Variants in TAP1 observed in about 807,000 individuals in gnomAD.
TAP1 encodes transporter 1, ATP binding cassette subfamily B member, also known as antigen peptide transporter 1.
In TAP1, 56 loss-of-function variants were observed where a neutral mutation model predicts 79.3. That is an observed-to-expected ratio of 0.71 (90% CI 0.57 to 0.88). The LOEUF is 0.88. TAP1 is among the 40% of genes least tolerant of loss of function. The pLI is 0.00. For synonymous variants in TAP1, 355 were observed against 401.4 expected (o/e 0.88, Z 1.38); for missense variants, 737 against 936.3 (o/e 0.79, Z 2.78).
chr6:32,850,609 A>C lies in TAP1; in HGVS notation c.1051-92T>G. 1 of 1,152,854 alleles carries C rather than the reference A, an allele frequency of 8.7e-7. No homozygotes were observed. Among genetic ancestry groups the C allele is most frequent in the South Asian group, 1.3e-5 (1 of 79,192 alleles). 71.4% of individuals were successfully genotyped at this position (1,152,854 alleles called of 1,614,324 possible). ...TACCTATTTGGAAATTAAAGGTGAG[A>C]AGAGACAGAGGAAAAGGAGAAAAGA... On this transcript the variant is annotated intron_variant, in intron 4 of 10. Coordinates refer to ENST00000354258, the MANE Select transcript of TAP1 (RefSeq NM_000593.6). The surrounding 1 kb of genome is among the most constrained non-coding windows in gnomAD (Gnocchi z 5.5).
chr6:32,846,957 A>G (rs1284634085), intron 10 of TAP1, 111 bp downstream of exon 10: 1 of 1,542,350 alleles, frequency 6.5e-7, no homozygotes, highest in East Asian at 2.2e-5. Flanking sequence ...TTGGGAACTG[A>G]GAACTGCAAG....
Position 32,847,454 on chromosome 6 carries a change from C to T in TAP1, c.1903+59G>A. On this transcript the variant is annotated intron_variant, in intron 9 of 10. Coordinates refer to ENST00000354258, the MANE Select transcript of TAP1 (RefSeq NM_000593.6). The surrounding 1 kb of genome is among the most constrained non-coding windows in gnomAD (Gnocchi z 4.7). The stretch of plus-strand genomic sequence containing the variant: ...GAGGAACTGAAGGATAAAGGCAAGA[C>T]TACTGGGGTTTCAGCAAAGGTAAAG... 11 of 1,609,942 alleles carry T rather than the reference C, an allele frequency of 6.8e-6. No homozygotes were observed. The highest frequency in any genetic ancestry group is 8.5e-6 in the Non-Finnish European group (10 of 1,177,668).
In TAP1 at chr6:32,845,229, A is replaced by G. The variant is rs897347106; in HGVS notation, c.*350T>C. Reference sequence around the variant, plus strand: ...CACAGTACAAAACACCAATTTTATTATAAATATCAAGAACCTACAGGGTGT... The same window carrying G: ...CACAGTACAAAACACCAATTTTATTGTAAATATCAAGAACCTACAGGGTGT... On this transcript the variant is annotated 3_prime_UTR_variant, in exon 11 of 11. Transcript: ENST00000354258. The surrounding 1 kb of genome is among the most constrained non-coding windows in gnomAD (Gnocchi z 4.5). 10 of 395,602 alleles carry G rather than the reference A, an allele frequency of 2.5e-5. No individual in the cohort carries two copies. The highest frequency in any genetic ancestry group is 3.8e-5 in the Non-Finnish European group (8 of 212,404). 24.5% of individuals were successfully genotyped at this position (395,602 alleles called of 1,614,324 possible). A position where few individuals can be genotyped will look rare whatever the true frequency, so the allele number is the denominator to read the frequency against.
intron 6 of TAP1, 34 bp from the exon 7 acceptor site, chr6:32,848,874 G>T: frequency 6.2e-7 from 1 of 1,613,228 alleles, no homozygotes; most frequent in Non-Finnish European, 8.5e-7. Context: ...AAGTGAGGTA[G>T]TCTGCTTGCC....
In TAP1 at chr6:32,852,798, C is replaced by T; in HGVS notation, c.598+241G>A. 2.1e-6 allele frequency: 3 copies of T among 1,440,242 alleles called. No individual in the cohort carries two copies. The highest frequency in any genetic ancestry group is 2.7e-6 in the Non-Finnish European group (3 of 1,105,254). 89.2% of individuals were successfully genotyped at this position (1,440,242 alleles called of 1,614,324 possible). A position where few individuals can be genotyped will look rare whatever the true frequency, so the allele number is the denominator to read the frequency against. On this transcript the variant is annotated intron_variant, in intron 1 of 10. Transcript: ENST00000354258. The surrounding 1 kb of genome is among the most constrained non-coding windows in gnomAD (Gnocchi z 4.8). ...CTTCGGCCCCAGAGCAAAGGATTTC[C>T]CCGCTTCCGGCGTGGCCCAAAGAAT...
rs1770503895 is a variant in TAP1 at position 32,847,481 on chromosome 6, T to C, written c.1903+32A>G. Reference sequence around the variant, plus strand: ...ACTGGGGTTTCAGCAAAGGTAAAGATGGCTGGGTGGTGAGATGAGTGGAGA... The same window carrying C: ...ACTGGGGTTTCAGCAAAGGTAAAGACGGCTGGGTGGTGAGATGAGTGGAGA... On this transcript the variant is annotated intron_variant, in intron 9 of 10. Coordinates refer to ENST00000354258, the MANE Select transcript of TAP1 (RefSeq NM_000593.6). This position sits in a 1 kb window ranked among gnomAD's most constrained non-coding sequence, Gnocchi z 4.7. 1 of 1,612,684 alleles carries C rather than the reference T, an allele frequency of 6.2e-7. No homozygotes were observed.
Position 32,850,129 on chromosome 6 carries a change from C to T in TAP1, c.1248+191G>A. Reference sequence around the variant, plus strand: ...TATGTACCATACTGAAAGGAAGCCACCTAGCATCTTTAAAGAGAGGGAGGG... The same window carrying T: ...TATGTACCATACTGAAAGGAAGCCATCTAGCATCTTTAAAGAGAGGGAGGG... On this transcript the variant is annotated intron_variant, in intron 5 of 10. Coordinates refer to ENST00000354258, the MANE Select transcript of TAP1 (RefSeq NM_000593.6). The surrounding 1 kb of genome is among the most constrained non-coding windows in gnomAD (Gnocchi z 5.5). 1 of 679,208 alleles carries T rather than the reference C, an allele frequency of 1.5e-6. No individual in the cohort carries two copies. Among genetic ancestry groups the T allele is most frequent in the Non-Finnish European group, 2.6e-6 (1 of 378,064 alleles). The allele number at this position is 679,208 out of a possible 1,614,324, so 42.1% of individuals were successfully genotyped here.
At position 32,853,622 on chromosome 6, in the gene TAP1, C is replaced by T. The variant is rs1474359241; in HGVS notation, c.15G>A (p.Arg5=). 6.2e-7 allele frequency: 1 copy of T among 1,611,878 alleles called. No individual in the cohort carries two copies. The highest frequency in any genetic ancestry group is 1.7e-5 in the Admixed American group (1 of 59,996). Residue 5 remains arginine (R), a synonymous_variant, in exon 1 of 11, where the codon AGG becomes AGA. Coordinates refer to ENST00000354258, the MANE Select transcript of TAP1 (RefSeq NM_000593.6). The surrounding 1 kb of genome is among the most constrained non-coding windows in gnomAD (Gnocchi z 8.3). ...AGCGGCACCCGCGGGGAGCGGGACACCTAGAGCTAGCCATTGGCACTCGGA... is the reference window on the plus strand; with the variant it reads ...AGCGGCACCCGCGGGGAGCGGGACATCTAGAGCTAGCCATTGGCACTCGGA... MASS[R]CPAPRGCRCL... is the part of the protein sequence containing the mutation.
rs772225879 is a variant in TAP1, at chr6:32,849,032, G to C, written c.1335C>G (p.Val445=). Residue 445 remains valine, a synonymous_variant, in exon 6 of 11, where the codon GTC becomes GTG. Transcript: ENST00000354258. Reference sequence around the variant, plus strand: ...ACTGCATCTGGTAGAGAACAAATGTGACAAGGTTCCCACTGCTTACAGCCC... The same window carrying C: ...ACTGCATCTGGTAGAGAACAAATGTCACAAGGTTCCCACTGCTTACAGCCC... ...TSGAVSSGNL[V]TFVLYQMQFT... is the part of the protein sequence containing the mutation. 1 of 1,608,586 alleles carries C rather than the reference G, an allele frequency of 6.2e-7. No individual in the cohort carries two copies.
intron 10 of TAP1, 120 bp downstream of exon 10, chr6:32,846,948 T>G: frequency 6.7e-7 from 1 of 1,490,390 alleles, no homozygotes; most frequent in Non-Finnish European, 9.2e-7. Flanking sequence ...GAACTGGATT[T>G]GGGAACTGAG....
chr6:32,851,245 C>T lies in TAP1; in HGVS notation c.845-96G>A. The T allele has an allele frequency of 8.2e-7, 1 of 1,219,698 alleles. No homozygotes were observed. Among genetic ancestry groups the T allele is most frequent in the Non-Finnish European group, 1.2e-6 (1 of 845,158 alleles). The allele number at this position is 1,219,698 out of a possible 1,614,324, so 75.6% of individuals were successfully genotyped here. A position where few individuals can be genotyped will look rare whatever the true frequency, so the allele number is the denominator to read the frequency against. On this transcript the variant is annotated intron_variant, in intron 3 of 10. Coordinates refer to ENST00000354258, the MANE Select transcript of TAP1 (RefSeq NM_000593.6). The surrounding 1 kb of genome is among the most constrained non-coding windows in gnomAD (Gnocchi z 4.8). Reference sequence around the variant, plus strand: ...GCCAGGATGCCAGGGTCAGGGGTGTCAACATGGGGTTCTAAGGAGGCTGCA... The same window carrying T: ...GCCAGGATGCCAGGGTCAGGGGTGTTAACATGGGGTTCTAAGGAGGCTGCA...
Position 32,845,807 on chromosome 6 carries a change from T to A in TAP1, c.2041-22A>T. ...CCACCTGAGGAAAGACATCGGACCG[T>A]CAGAGCCGGGGACTACCCTCAGCCC... On this transcript the variant is annotated intron_variant, in intron 10 of 10. Transcript: ENST00000354258. This position sits in a 1 kb window ranked among gnomAD's most constrained non-coding sequence, Gnocchi z 4.5. The A allele has an allele frequency of 6.2e-7, 1 of 1,603,996 alleles. No individual in the cohort carries two copies. Among genetic ancestry groups the A allele is most frequent in the Non-Finnish European group, 8.5e-7 (1 of 1,177,258 alleles).
rs1200739670 is a variant in TAP1 at position 32,853,330 on chromosome 6, G to C, written c.307C>G (p.Leu103Val). The change falls in exon 1 of 11, where the codon CTG becomes GTG. Residue 103 changes from leucine (L) to valine (V), a missense_variant. This residue lies in a region of TAP1 where 406 missense variants were observed against 477.2 expected (regional missense o/e 0.85). Transcript: ENST00000354258. This position sits in a 1 kb window ranked among gnomAD's most constrained non-coding sequence, Gnocchi z 8.3. ...GCAAGTCCCGGCAGGGCCAAGCCCA[G>C]TGCCGCAGCTAATGGCTTCAAAGCA... ...LAALKPLAAA[L>V]GLALPGLALF... 3.2e-6 allele frequency: 5 copies of C among 1,581,516 alleles called. No individual in the cohort carries two copies.
intron 10 of TAP1, chr6:32,846,603 T>A (rs1249705953): frequency 3.5e-6 from 1 of 286,268 alleles, no homozygotes; most frequent in Non-Finnish European, 6.8e-6. Context: ...GCAGATTACC[T>A]GAGCTCAGGA....
At chr6:32,849,842 A>C (rs939909511) in intron 5 of TAP1, 6 of 182,978 alleles carry the variant, frequency 3.3e-5, no homozygotes, top group Admixed American at 2.1e-4. Flanking sequence ...ATTTGTTGTC[A>C]TGATCACAAG....
At chr6:32,846,756 G>T (rs961329010) in intron 10 of TAP1, among the ~76,000 whole-genome samples, 2 of 152,094 alleles carry the variant, frequency 1.3e-5, no homozygotes, top group Non-Finnish European at 2.9e-5. Flanking sequence ...GGTTGAAGCT[G>T]CAGTGAGCCA....
rs1770693382 is a variant in TAP1, at chr6:32,850,109, A to G, written c.1248+211T>C. On this transcript the variant is annotated intron_variant, in intron 5 of 10. Coordinates refer to ENST00000354258, the MANE Select transcript of TAP1 (RefSeq NM_000593.6). The surrounding 1 kb of genome is among the most constrained non-coding windows in gnomAD (Gnocchi z 5.5). ...CCACATGGTTGGGTGGATTTTATGT[A>G]CCATACTGAAAGGAAGCCACCTAGC... The G allele has an allele frequency of 1.5e-6, 1 of 646,250 alleles. No homozygotes were observed. The highest frequency in any genetic ancestry group is 1.8e-5 in the South Asian group (1 of 56,950). The allele number at this position is 646,250 out of a possible 1,614,324, so 40.0% of individuals were successfully genotyped here. A position where few individuals can be genotyped will look rare whatever the true frequency, so the allele number is the denominator to read the frequency against.
Position 32,851,931 on chromosome 6 carries a change from G to GAC in TAP1, c.844+177_844+178insGT, listed in dbSNP as rs1403959641. 6.6e-6 allele frequency among the ~76,000 whole-genome samples: 1 copy of GAC among 151,236 alleles called. No homozygotes were observed. The highest frequency in any genetic ancestry group is 1.5e-5 in the Non-Finnish European group (1 of 67,742). ...ATTGTGTGTGTGTGTGTGTGAGAGA[G>GAC]AGAGAGAGAGAGACAGAGACAGAGA... On this transcript the variant is annotated intron_variant, in intron 3 of 10. Coordinates refer to ENST00000354258, the MANE Select transcript of TAP1 (RefSeq NM_000593.6). This position sits in a 1 kb window ranked among gnomAD's most constrained non-coding sequence, Gnocchi z 4.8.
Position 32,848,649 on chromosome 6 carries a change from T to C in TAP1, c.1566+3A>G, listed in dbSNP as rs1401042023. 2 of 1,613,778 alleles carry C rather than the reference T, an allele frequency of 1.2e-6. No individual in the cohort carries two copies. The highest frequency in any genetic ancestry group is 1.7e-5 in the Admixed American group (1 of 60,002). On this transcript the variant is annotated splice_donor_region_variant and intron_variant, in intron 7 of 10. Coordinates refer to ENST00000354258, the MANE Select transcript of TAP1 (RefSeq NM_000593.6). The stretch of plus-strand genomic sequence containing the variant: ...GTGGAATACAGGGAGTGGTAGGTTG[T>C]ACCTGTAGCACTAAGACATCTGGGC...
Sources: gnomAD v4.1 joint callset for allele counts (sites outside exome capture counted in the v4.1 genomes callset) on GRCh38, gnomAD v4.1.1 for gene constraint, gnomAD v4.1.1 regional missense constraint, Gnocchi (gnomAD v3.1) non-coding constraint, MANE v1.5 for transcripts, NCBI Gene and HGNC (gene_info 2026-07-23, HGNC 2026-07-21) for gene names.